Variants in LRRTM4 observed in about 807,000 individuals in gnomAD.
LRRTM4 encodes leucine rich repeat transmembrane neuronal 4, also known as leucine-rich repeat transmembrane neuronal protein 4.
A neutral mutation model predicts 47.6 loss-of-function variants in LRRTM4; 25 were observed. The ratio of observed to expected loss-of-function variants is 0.53; its 90% CI spans 0.38 to 0.73. The LOEUF (loss-of-function observed/expected upper bound fraction) is 0.73. Ranked by LOEUF, LRRTM4 falls within the 30% of genes least tolerant of loss-of-function variation. The pLI is 0.00. For synonymous variants in LRRTM4, 311 were observed against 269.5 expected (o/e 1.15, Z -1.51); for missense variants, 638 against 713.4 (o/e 0.89, Z 1.20).
intron 3 of LRRTM4, among the ~76,000 whole-genome samples, chr2:77,277,970 G>T (rs556104934): frequency 6.6e-6 from 1 of 152,028 alleles, no homozygotes; most frequent in Admixed American, 6.6e-5. Context: ...TTTCACTTGA[G>T]TTTCTCTCTG....
chr2:77,456,452 G>T (rs943933129), intron 3 of LRRTM4, among the ~76,000 whole-genome samples: 1 of 152,100 alleles, frequency 6.6e-6, no homozygotes, highest in Non-Finnish European at 1.5e-5. Context: ...AAGCCTCCCT[G>T]TCCATTTGAA....
rs551874356 is a variant in LRRTM4, at chr2:76,911,437, G to A, written c.1552-162521C>T. ...TTCCCCAAAACAATTACATCAATCT[G>A]ATATAAATCTCTTTGTTTTTGTATT... On this transcript the variant is annotated intron_variant, in intron 3 of 3. Transcript: ENST00000409884. Among the ~76,000 whole-genome samples the A allele has an allele frequency of 1.2e-4, 19 of 152,294 alleles. No individual in the cohort carries two copies. The South Asian group carries it at 3.7e-3, about 30-fold the overall frequency.
intron 3 of LRRTM4, among the ~76,000 whole-genome samples, chr2:77,031,731 C>T (rs1678663456): frequency 1.3e-5 from 2 of 151,604 alleles, no homozygotes; most frequent in Admixed American, 1.3e-4. Flanking sequence ...CTAACTATAT[C>T]TTTGTGTGTG....
At chr2:77,351,314 T>G (rs549586258) in intron 3 of LRRTM4, among the ~76,000 whole-genome samples, 2 of 151,682 alleles carry the variant, frequency 1.3e-5, no homozygotes, top group African/African-American at 4.8e-5. Context: ...AGATGCCTAG[T>G]TTGACAAGGT....
chr2:76,870,222 C>T (rs1022923366), intron 3 of LRRTM4, among the ~76,000 whole-genome samples: 2 of 152,106 alleles, frequency 1.3e-5, no homozygotes, highest in Non-Finnish European at 2.9e-5. Context: ...CTTTTACTGC[C>T]TTCTCCTGGA....
rs1018131481 is a variant in LRRTM4 at position 77,414,245 on chromosome 2, G to A, written c.1551+104073C>T. On this transcript the variant is annotated intron_variant, in intron 3 of 3. Coordinates refer to ENST00000409884, the MANE Select transcript of LRRTM4 (RefSeq NM_001134745.3). ...CAAACAGATATTGAAGGCTTCCTAA[G>A]TAGTAGGCTCTATATTAAGAGCTGA... Among the ~76,000 whole-genome samples the A allele has an allele frequency of 6.6e-5, 10 of 151,754 alleles. No homozygotes were observed. In the East Asian group the frequency reaches 1.7e-3, roughly 27 times the overall value.
intron 3 of LRRTM4, among the ~76,000 whole-genome samples, chr2:76,873,988 A>C (rs1672710497): frequency 6.6e-6 from 1 of 151,974 alleles, no homozygotes; most frequent in Admixed American, 6.6e-5. Context: ...ATTTAATAAA[A>C]ATTTTTGGAG....
chr2:76,841,372 A>G (rs911554076), intron 3 of LRRTM4, among the ~76,000 whole-genome samples: 1 of 151,888 alleles, frequency 6.6e-6, no homozygotes, highest in Non-Finnish European at 1.5e-5. Context: ...ACATGTATAC[A>G]TATGTAACAA....
intron 3 of LRRTM4, among the ~76,000 whole-genome samples, chr2:77,502,384 A>T (rs1310020996): frequency 6.6e-6 from 1 of 151,528 alleles, no homozygotes; most frequent in Non-Finnish European, 1.5e-5. Context: ...GAAAAAATTT[A>T]TATTAAAAAA....
In LRRTM4 at chr2:77,049,122, T is replaced by TATATATATA. The variant is rs34587249; in HGVS notation, c.1552-300207_1552-300206insTATATATAT. Among the ~76,000 whole-genome samples, 564 of 62,300 alleles carry TATATATATA rather than the reference T, an allele frequency of 9.1e-3. 8 individuals carry two copies. Among genetic ancestry groups the TATATATATA allele is most frequent in the East Asian group, 0.017 (35 of 2,054 alleles). The allele number at this position is 62,300 out of a possible 152,430, so 40.9% of individuals were successfully genotyped here. A position where few individuals can be genotyped will look rare whatever the true frequency, so the allele number is the denominator to read the frequency against. On this transcript the variant is annotated intron_variant, in intron 3 of 3. Coordinates refer to ENST00000409884, the MANE Select transcript of LRRTM4 (RefSeq NM_001134745.3). ...TTTTGACTAAATAATATTTCATTTTTTATATATATATATATATATATATAT... is the reference window on the plus strand; with the variant it reads ...TTTTGACTAAATAATATTTCATTTTTATATATATATATATATATATATATATATATATAT...
intron 3 of LRRTM4, among the ~76,000 whole-genome samples, chr2:77,007,077 T>C (rs10210527): frequency 6.6e-6 from 1 of 152,054 alleles, no homozygotes; most frequent in African/African-American, 2.4e-5. Context: ...AAAAAAAGAT[T>C]AAATTTTAAC....
Position 77,292,125 on chromosome 2 carries a change from T to C in LRRTM4, c.1551+226193A>G, listed in dbSNP as rs550057557. On this transcript the variant is annotated intron_variant, in intron 3 of 3. Coordinates refer to ENST00000409884, the MANE Select transcript of LRRTM4 (RefSeq NM_001134745.3). ...TCACCATCACTGGCTATCAGAGAAA[T>C]GCAAATCAAAACCACAATGAGATAC... Among the ~76,000 whole-genome samples the C allele has an allele frequency of 6.7e-4, 102 of 151,848 alleles. 1 individual carries two copies. Among genetic ancestry groups the C allele is most frequent in the African/African-American group, 2.3e-3 (95 of 41,370 alleles).
At chr2:76,817,131 AGAG>A (rs886411760) in intron 3 of LRRTM4, among the ~76,000 whole-genome samples, 1 of 151,878 alleles carries the variant, frequency 6.6e-6, no homozygotes, top group African/African-American at 2.4e-5. Context: ...ATTCAAACTG[AGAG>A]GAGGGAGAAA....
At chr2:77,019,184 G>T (rs1367542249) in intron 3 of LRRTM4, among the ~76,000 whole-genome samples, 1 of 133,646 alleles carries the variant, frequency 7.5e-6, no homozygotes, top group Admixed American at 8.4e-5. Context: ...CAAATGGATA[G>T]TACTGAGTTT....
chr2:77,109,158 G>A (rs1042522679), intron 3 of LRRTM4, among the ~76,000 whole-genome samples: 1 of 152,044 alleles, frequency 6.6e-6, no homozygotes, highest in Non-Finnish European at 1.5e-5. Flanking sequence ...TGTTTGTTTT[G>A]TTTTGCTCTA....
At chr2:76,749,856 A>G (rs1381944728) in intron 3 of LRRTM4, among the ~76,000 whole-genome samples, 3 of 152,338 alleles carry the variant, frequency 2.0e-5, no homozygotes, top group African/African-American at 4.8e-5. Context: ...GCGAGTTACA[A>G]TTTGACACTC....
chr2:76,808,245 C>G (rs1326256652), intron 3 of LRRTM4, among the ~76,000 whole-genome samples: 1 of 152,000 alleles, frequency 6.6e-6, no homozygotes, highest in Non-Finnish European at 1.5e-5. Context: ...GTCTCGAACT[C>G]CTGACTTCGT....
intron 3 of LRRTM4, among the ~76,000 whole-genome samples, chr2:77,113,150 G>A (rs1488983325): frequency 6.6e-6 from 1 of 152,082 alleles, no homozygotes; most frequent in Non-Finnish European, 1.5e-5. Flanking sequence ...AGTCATCGGA[G>A]CCTGTGAGCT....
At chr2:76,898,689 C>G (rs996883790) in intron 3 of LRRTM4, among the ~76,000 whole-genome samples, 3 of 150,836 alleles carry the variant, frequency 2.0e-5, no homozygotes, top group African/African-American at 7.3e-5. Context: ...TCCTGAGCAT[C>G]TGGACGTATT....
Sources: allele counts gnomAD v4.1 joint callset (sites outside exome capture counted in the v4.1 genomes callset), GRCh38; gene constraint gnomAD v4.1.1; transcripts MANE v1.5; gene names NCBI Gene and HGNC (gene_info 2026-07-23, HGNC 2026-07-21).